GUCY2C: variants seen among roughly 807,000 people sequenced by gnomAD.
GUCY2C encodes the protein guanylyl cyclase C.
Under a neutral mutation model 131.1 loss-of-function variants are expected in GUCY2C, and 118 were observed. The observed-to-expected ratio is 0.90, with a 90% confidence interval of 0.78 to 1.05. The LOEUF is 1.05. Among genes scored for constraint, GUCY2C ranks in the 50% least tolerant of loss-of-function variants. The pLI, the probability that GUCY2C is intolerant of heterozygous loss-of-function variation, is 0.00. For synonymous variants in GUCY2C, 452 were observed against 457.8 expected (o/e 0.99, Z 0.16); for missense variants, 1,161 against 1,304.4 (o/e 0.89, Z 1.69).
At chr12:14,675,668 C>G (rs1214316406) in intron 7 of GUCY2C, among the ~76,000 whole-genome samples, 1 of 152,150 alleles carries the variant, frequency 6.6e-6, no homozygotes, top group African/African-American at 2.4e-5. Flanking sequence ...ACTGCTGTGC[C>G]TCAGCAGCTG....
chr12:14,681,280 G>A, intron 5 of GUCY2C, 76 bp downstream of exon 5: 1 of 1,327,796 alleles, frequency 7.5e-7, no homozygotes, highest in South Asian at 1.2e-5. Flanking sequence ...TGGAGGATTT[G>A]TTGAAATGAC....
In GUCY2C at chr12:14,679,701, T is replaced by C; in HGVS notation, c.786A>G (p.Arg262=). 1 of 1,601,914 alleles carries C rather than the reference T, an allele frequency of 6.2e-7. No individual in the cohort carries two copies. The highest frequency in any genetic ancestry group is 8.6e-7 in the Non-Finnish European group (1 of 1,168,914). Residue 262 remains arginine, a synonymous_variant, in exon 6 of 27, where the codon CGA becomes CGG. Coordinates refer to ENST00000261170, the MANE Select transcript of GUCY2C (RefSeq NM_004963.4). ...TAATGACAATGTCTTCAGCCACTGC[T>C]CGGTCACCCTTCAGCTTGTAGAGGA... ...PEFLYKLKGD[R]AVAEDIVIIL... is the part of the protein sequence containing the mutation.
At chr12:14,620,308 A>G (rs1480894781) in intron 23 of GUCY2C, among the ~76,000 whole-genome samples, 1 of 152,184 alleles carries the variant, frequency 6.6e-6, no homozygotes, top group Non-Finnish European at 1.5e-5. Context: ...CAGGCTGTCA[A>G]CTGATGGGAC....
chr12:14,663,221 G>A (rs1947904442), intron 10 of GUCY2C, among the ~76,000 whole-genome samples: 1 of 152,220 alleles, frequency 6.6e-6, no homozygotes, highest in South Asian at 2.1e-4. Flanking sequence ...GTGGGATCAG[G>A]TGCATTCACT....
At chr12:14,628,914 CATTAT>C (rs1947082431) in intron 19 of GUCY2C, among the ~76,000 whole-genome samples, 177 bp from the exon 20 acceptor site, 1 of 152,184 alleles carries the variant, frequency 6.6e-6, no homozygotes, top group African/African-American at 2.4e-5. Flanking sequence ...TGACCACCTG[CATTAT>C]CTTATCCAGT....
chr12:14,616,512 G>T, intron 25 of GUCY2C, 121 bp downstream of exon 25: 1 of 697,530 alleles, frequency 1.4e-6, no homozygotes. Flanking sequence ...GATGGAGGGT[G>T]CTCATCGTGA....
intron 10 of GUCY2C, among the ~76,000 whole-genome samples, chr12:14,662,183 T>C (rs1947881627): frequency 6.6e-6 from 1 of 151,968 alleles, no homozygotes; most frequent in African/African-American, 2.4e-5. Context: ...AGGAGTATGG[T>C]GAAGAAGACA....
chr12:14,651,285 G>A (rs530576234), intron 15 of GUCY2C, 122 bp downstream of exon 15: 38 of 578,892 alleles, frequency 6.6e-5, no homozygotes, highest in Admixed American at 5.3e-4. Flanking sequence ...AGTTTGGAAA[G>A]CATGTGACCC....
intron 7 of GUCY2C, among the ~76,000 whole-genome samples, chr12:14,675,162 G>T (rs1948201243): frequency 8.4e-6 from 1 of 119,604 alleles, no homozygotes; most frequent in South Asian, 2.8e-4. Flanking sequence ...AGTGAGCCAA[G>T]ATTCCACTGC....
At chr12:14,614,374 G>A (rs77832183) in intron 26 of GUCY2C, 4,660 of 155,722 alleles carry the variant, frequency 0.03, 236 homozygotes, top group African/African-American at 0.11. Context: ...TATAAGTTAA[G>A]TATACTTTAA....
In GUCY2C at chr12:14,651,708, C is replaced by A. The variant is rs537590731; in HGVS notation, c.1606-197G>T. 1.8e-3 allele frequency among the ~76,000 whole-genome samples: 269 copies of A among 152,288 alleles called. 1 individual carries two copies. The highest frequency in any genetic ancestry group is 6.1e-3 in the African/African-American group (254 of 41,546). The stretch of plus-strand genomic sequence containing the variant: ...CAAACTTTCCTTTGTCAGTAAGAGG[C>A]CTTGAATATAAACTTTACTTTCAAA... On this transcript the variant is annotated intron_variant, in intron 14 of 26. Transcript: ENST00000261170.
At chr12:14,694,499 A>G (rs1358295640) in intron 1 of GUCY2C, among the ~76,000 whole-genome samples, 2 of 152,238 alleles carry the variant, frequency 1.3e-5, no homozygotes, top group Non-Finnish European at 2.9e-5. Context: ...AGGCTCAGGG[A>G]GACTAACCCA....
chr12:14,652,389 G>T (rs2137040480), intron 13 of GUCY2C, among the ~76,000 whole-genome samples: 1 of 152,146 alleles, frequency 6.6e-6, no homozygotes, highest in Admixed American at 6.5e-5. Flanking sequence ...TGGCCGGCCT[G>T]GTCTCAAACT....
At chr12:14,656,179 C>G (rs1437776507) in intron 12 of GUCY2C, among the ~76,000 whole-genome samples, 1 of 152,202 alleles carries the variant, frequency 6.6e-6, no homozygotes, top group Non-Finnish European at 1.5e-5. Flanking sequence ...GATAGATTAG[C>G]ATCCAAGGTT....
At chr12:14,681,029 T>C (rs930239912) in intron 5 of GUCY2C, among the ~76,000 whole-genome samples, 3 of 152,066 alleles carry the variant, frequency 2.0e-5, no homozygotes, top group African/African-American at 7.2e-5. Flanking sequence ...ATATGTTGGA[T>C]TGAGGTGAAT....
At chr12:14,653,516 G>A (rs1184395544) in intron 12 of GUCY2C, among the ~76,000 whole-genome samples, 1 of 152,170 alleles carries the variant, frequency 6.6e-6, no homozygotes, top group Admixed American at 6.5e-5. Context: ...CTGGTAATAA[G>A]AATTCTTATA....
chr12:14,684,046 T>C (rs1306241152), intron 3 of GUCY2C, among the ~76,000 whole-genome samples: 1 of 152,300 alleles, frequency 6.6e-6, no homozygotes, highest in East Asian at 1.9e-4. Context: ...CTCTGCTGAC[T>C]TTCCTGTCAT....
At position 14,625,927 on chromosome 12, in the gene GUCY2C, AATAG is replaced by A. The variant is rs748917675; in HGVS notation, c.2250-16_2250-13del. 6.4e-7 allele frequency: 1 copy of A among 1,554,578 alleles called. No individual in the cohort carries two copies. The highest frequency in any genetic ancestry group is 1.4e-5 in the African/African-American group (1 of 73,588). On this transcript the variant is annotated splice_polypyrimidine_tract_variant and intron_variant, in intron 20 of 26. Transcript: ENST00000261170. ...GGTCATGAAAAAGTCTGTAGGTAGT[AATAG>A]ATAAAGAGCTCTTATATATTATTAA...
chr12:14,660,916 C>T (rs1258968773), intron 11 of GUCY2C, 65 bp downstream of exon 11: 18 of 990,506 alleles, frequency 1.8e-5, no homozygotes, highest in Non-Finnish European at 2.0e-5. Flanking sequence ...AGACAACAGA[C>T]CTCTCCCACT....
Sources: allele counts gnomAD v4.1 joint callset (sites outside exome capture counted in the v4.1 genomes callset), GRCh38; gene constraint gnomAD v4.1.1; transcripts MANE v1.5; gene names NCBI Gene and HGNC (gene_info 2026-07-23, HGNC 2026-07-21).